Variants in PLEKHA5 observed in about 807,000 individuals in gnomAD.
PLEKHA5 encodes pleckstrin homology domain containing A5.
In PLEKHA5, 55 loss-of-function variants were observed where a neutral mutation model predicts 181.9. The observed-to-expected ratio is 0.30, with a 90% CI of 0.24 to 0.38. The LOEUF is 0.38. Ranked by LOEUF, PLEKHA5 falls within the 10% of genes least tolerant of loss-of-function variation. The pLI is 1.00. For missense variants in PLEKHA5, 1,432 were observed against 1,549.5 expected, an observed-to-expected ratio of 0.92 and a Z score of 1.27; for synonymous variants, 535 against 529.4, an observed-to-expected ratio of 1.01 and a Z score of -0.15.
chr12:19,298,445 G>A (rs1289232407), intron 15 of PLEKHA5, among the ~76,000 whole-genome samples: 1 of 113,472 alleles, frequency 8.8e-6, no homozygotes, highest in Non-Finnish European at 1.6e-5. Flanking sequence ...CTATCTCAGT[G>A]CTAACTGGGG....
At chr12:19,219,494 C>A (rs191829098) in intron 3 of PLEKHA5, among the ~76,000 whole-genome samples, 2 of 140,002 alleles carry the variant, frequency 1.4e-5, no homozygotes, top group Admixed American at 1.5e-4. Context: ...GTATGCTATT[C>A]CAAATACTCC....
intron 29 of PLEKHA5, among the ~76,000 whole-genome samples, chr12:19,364,371 C>T (rs2095356194): frequency 6.6e-6 from 1 of 151,840 alleles, no homozygotes; most frequent in Admixed American, 6.6e-5. Context: ...ATTATCCGGG[C>T]ATAGTGGTAC....
At position 19,330,631 on chromosome 12, in the gene PLEKHA5, G is replaced by A. The variant is rs572950949; in HGVS notation, c.2449-5884G>A. Among the ~76,000 whole-genome samples the A allele has an allele frequency of 3.9e-5, 6 of 152,118 alleles. No individual in the cohort carries two copies. The South Asian group carries it at 6.2e-4, about 16-fold the overall frequency. ...AATTAAGCACATTCTTCAAATGTGA[G>A]CCAGGAAATCTCTACATCCTGAAGG... is the stretch of plus-strand genomic sequence containing the variant. On this transcript the variant is annotated intron_variant, in intron 20 of 31. Transcript: ENST00000429027.
intron 3 of PLEKHA5, among the ~76,000 whole-genome samples, chr12:19,242,948 A>C (rs559217492): frequency 6.6e-6 from 1 of 152,324 alleles, no homozygotes; most frequent in Admixed American, 6.5e-5. Context: ...AGAGTAGGAA[A>C]TGATTATGAA....
At chr12:19,286,863 G>A (rs2077314942) in intron 12 of PLEKHA5, among the ~76,000 whole-genome samples, 1 of 151,834 alleles carries the variant, frequency 6.6e-6, no homozygotes, top group Non-Finnish European at 1.5e-5. Flanking sequence ...CTACTTGAGA[G>A]GCTGCGGTAG....
chr12:19,284,418 C>T (rs1017098163), intron 12 of PLEKHA5, among the ~76,000 whole-genome samples: 4 of 152,080 alleles, frequency 2.6e-5, no homozygotes, highest in Admixed American at 2.0e-4. Context: ...AAATTCTACA[C>T]CTACTGTCTT....
At chr12:19,204,083 C>T (rs2054827810) in intron 3 of PLEKHA5, among the ~76,000 whole-genome samples, 1 of 151,970 alleles carries the variant, frequency 6.6e-6, no homozygotes, top group African/African-American at 2.4e-5. Context: ...ATGGCTATTT[C>T]CTATGTCTTC....
At chr12:19,306,363 C>T in intron 15 of PLEKHA5, 1 of 471,824 alleles carries the variant, frequency 2.1e-6, no homozygotes, top group Non-Finnish European at 4.1e-6. Context: ...TGCTCTCCAA[C>T]TAGCGTGCTC....
intron 3 of PLEKHA5, among the ~76,000 whole-genome samples, chr12:19,198,013 C>A (rs893576393): frequency 6.6e-6 from 1 of 152,108 alleles, no homozygotes; most frequent in African/African-American, 2.4e-5. Context: ...CACTTCTCTC[C>A]ATCTCTGCCA....
At chr12:19,296,668 G>C (rs57669061) in intron 15 of PLEKHA5, among the ~76,000 whole-genome samples, 1 of 152,074 alleles carries the variant, frequency 6.6e-6, no homozygotes, top group Non-Finnish European at 1.5e-5. Flanking sequence ...TCACTTACTA[G>C]ATCTACGCTA....
At chr12:19,280,835 C>T (rs2075947710) in intron 11 of PLEKHA5, among the ~76,000 whole-genome samples, 1 of 151,760 alleles carries the variant, frequency 6.6e-6, no homozygotes, top group African/African-American at 2.4e-5. Context: ...CTCAGCCTCC[C>T]GAGTAGCTGG....
intron 3 of PLEKHA5, among the ~76,000 whole-genome samples, chr12:19,237,200 A>G (rs2061537329): frequency 6.6e-6 from 1 of 152,194 alleles, no homozygotes; most frequent in South Asian, 2.1e-4. Context: ...ATATTTTTAT[A>G]AACAAAGTAT....
chr12:19,130,980 A>G lies in PLEKHA5; in HGVS notation c.169+850A>G. ...AGCGGCTCTCTCGGGTGGCTTTGGGAGCTTGTTTGAATGCTAAGTGTGAGT... is the reference window on the plus strand; with the variant it reads ...AGCGGCTCTCTCGGGTGGCTTTGGGGGCTTGTTTGAATGCTAAGTGTGAGT... On this transcript the variant is annotated intron_variant, in intron 2 of 31. Coordinates refer to ENST00000429027, the MANE Select transcript of PLEKHA5 (RefSeq NM_001256470.2). The surrounding 1 kb of genome is among the most constrained non-coding windows in gnomAD (Gnocchi z 4.5). The G allele has an allele frequency of 6.6e-6, 1 of 152,350 alleles. No homozygotes were observed. The highest frequency in any genetic ancestry group is 1.5e-5 in the Non-Finnish European group (1 of 68,148). The allele number at this position is 152,350 out of a possible 1,614,324, so 9.4% of individuals were successfully genotyped here. A position where few individuals can be genotyped will look rare whatever the true frequency, so the allele number is the denominator to read the frequency against.
Position 19,343,247 on chromosome 12 carries a change from A to G in PLEKHA5, c.2551-76A>G, listed in dbSNP as rs567324913. 69 of 725,780 alleles carry G rather than the reference A, an allele frequency of 9.5e-5. No individual in the cohort carries two copies. The African/African-American group carries it at 1.1e-3, about 12-fold the overall frequency. The allele number at this position is 725,780 out of a possible 1,614,324, so 45.0% of individuals were successfully genotyped here. On this transcript the variant is annotated intron_variant, in intron 21 of 31. Transcript: ENST00000429027. ...ATTTGCATTTTTAGATGTAATTTATATAATTAATATATAATCATTTAACTT... is the reference window on the plus strand; with the variant it reads ...ATTTGCATTTTTAGATGTAATTTATGTAATTAATATATAATCATTTAACTT...
At chr12:19,335,632 C>T (rs969831972) in intron 20 of PLEKHA5, among the ~76,000 whole-genome samples, 29 of 132,696 alleles carry the variant, frequency 2.2e-4, no homozygotes, top group African/African-American at 8.1e-4. Context: ...GGTTTGGTTA[C>T]GTTGGTCAGG....
intron 20 of PLEKHA5, among the ~76,000 whole-genome samples, chr12:19,326,936 T>C (rs1454728644): frequency 6.6e-6 from 1 of 152,268 alleles, no homozygotes; most frequent in Non-Finnish European, 1.5e-5. Context: ...GTGGTATATA[T>C]GTACCACATT....
chr12:19,206,717 G>T (rs1328881716), intron 3 of PLEKHA5, among the ~76,000 whole-genome samples: 2 of 152,064 alleles, frequency 1.3e-5, no homozygotes, highest in Non-Finnish European at 2.9e-5. Flanking sequence ...ACATATGAAG[G>T]AGGTGGGTGT....
At chr12:19,191,613 A>G (rs2051134035) in intron 3 of PLEKHA5, among the ~76,000 whole-genome samples, 2 of 152,190 alleles carry the variant, frequency 1.3e-5, no homozygotes, top group African/African-American at 4.8e-5. Context: ...TGTTTTCTCA[A>G]ATCACCTCTA....
At position 19,307,958 on chromosome 12, in the gene PLEKHA5, G is replaced by T. The variant is rs113198471; in HGVS notation, c.2038-6856G>T. 9.9e-5 allele frequency among the ~76,000 whole-genome samples: 15 copies of T among 151,780 alleles called. 1 individual carries two copies. Among genetic ancestry groups the T allele is most frequent in the Admixed American group, 6.6e-4 (10 of 15,242 alleles). ...AGAAGAAAGATAAAGAGAGAAATAG[G>T]TATGAAAGAGAACGATCAACAAGCA... is the stretch of plus-strand genomic sequence containing the variant. On this transcript the variant is annotated intron_variant, in intron 15 of 31. Transcript: ENST00000429027.
Sources: gnomAD v4.1 joint callset for allele counts (sites outside exome capture counted in the v4.1 genomes callset) on GRCh38, gnomAD v4.1.1 for gene constraint, Gnocchi (gnomAD v3.1) non-coding constraint, MANE v1.5 for transcripts, NCBI Gene and HGNC (gene_info 2026-07-23, HGNC 2026-07-21) for gene names.